The following ARID1B variants were observed in gnomAD, a reference collection of about 807,000 sequenced individuals.
The protein encoded by ARID1B is AT-rich interaction domain 1B.
Under a neutral mutation model 212.3 loss-of-function variants are expected in ARID1B, and 30 were observed. That is an observed-to-expected ratio of 0.14 (90% confidence interval 0.11 to 0.19). The LOEUF (loss-of-function observed/expected upper bound fraction) is 0.19. Among genes scored for constraint, ARID1B ranks in the 10% least tolerant of loss-of-function variants. The pLI is 1.00. For synonymous variants in ARID1B, 1,402 were observed against 1,301.7 expected, an observed-to-expected ratio of 1.08 and a Z score of -1.66; for missense variants, 2,891 against 3,204.0, an observed-to-expected ratio of 0.90 and a Z score of 2.36.
In ARID1B at chr6:156,778,193, C is replaced by G. The variant is rs1440301934; in HGVS notation, c.513C>G (p.His171Gln). The change falls in exon 1 of 20, where the codon CAC (histidine) becomes CAG (glutamine). Residue 171 changes from histidine to glutamine, a missense_variant. By Grantham distance (24) the His-to-Gln change is conservative. Around this residue, in one of 7 missense-constraint regions of ARID1B, gnomAD observed 1,643 missense variants for 1,544.0 expected, o/e 1.06. Coordinates refer to ENST00000636930, the MANE Select transcript of ARID1B (RefSeq NM_001374828.1). ...APPHQQHHHH[H>Q]HAHHHHHHAH... ...CCCACCAGCAGCACCACCACCACCA[C>G]CATGCCCACCACCACCACCACCATG... 1 of 1,540,150 alleles carries G rather than the reference C, an allele frequency of 6.5e-7. No individual in the cohort carries two copies.
At position 157,039,015 on chromosome 6, in the gene ARID1B, C is replaced by T. The variant is rs933181923; in HGVS notation, c.2248-45647C>T. Among the ~76,000 whole-genome samples the T allele has an allele frequency of 6.6e-5, 10 of 151,950 alleles. No homozygotes were observed. In the East Asian group the frequency reaches 1.2e-3, roughly 18 times the overall value. ...ACGTCCCAGGCTCAAGCGATGCTCCCGCCAGCCATGTGCCACCATGCCTGG... is the reference window on the plus strand; with the variant it reads ...ACGTCCCAGGCTCAAGCGATGCTCCTGCCAGCCATGTGCCACCATGCCTGG... On this transcript the variant is annotated intron_variant, in intron 4 of 19. Transcript: ENST00000636930.
At chr6:157,196,627 C>T (rs924122434) in intron 16 of ARID1B, among the ~76,000 whole-genome samples, 3 of 152,172 alleles carry the variant, frequency 2.0e-5, no homozygotes, top group African/African-American at 7.2e-5. Flanking sequence ...TGAGGGACTG[C>T]CAGCTGCACA....
chr6:157,136,184 G>A (rs1788895768), intron 7 of ARID1B, among the ~76,000 whole-genome samples: 1 of 152,182 alleles, frequency 6.6e-6, no homozygotes, highest in Non-Finnish European at 1.5e-5. Context: ...CACAGAACAG[G>A]TGAATAGTTT....
chr6:156,981,987 G>A (rs191678227), intron 4 of ARID1B, among the ~76,000 whole-genome samples: 170 of 150,428 alleles, frequency 1.1e-3, no homozygotes, highest in African/African-American at 3.9e-3. Flanking sequence ...GGTTGTTAAC[G>A]CAGGAGATAG....
At chr6:157,151,488 C>G (rs1007499062) in intron 8 of ARID1B, 4 of 152,146 alleles carry the variant, frequency 2.6e-5, no homozygotes, top group African/African-American at 9.7e-5. Context: ...GAAAATACAA[C>G]AAAATAATCC....
intron 16 of ARID1B, 36 bp downstream of exon 16, chr6:157,196,351 C>G: frequency 1.3e-6 from 2 of 1,576,604 alleles, no homozygotes; most frequent in Non-Finnish European, 1.7e-6. Context: ...TGATGATTTA[C>G]TAGAAACCGT....
chr6:156,939,774 A>G (rs1792527304), intron 4 of ARID1B: 1 of 151,656 alleles, frequency 6.6e-6, no homozygotes, highest in African/African-American at 2.4e-5. Flanking sequence ...AAAGAAGTGG[A>G]CACTTTGGAT....
In ARID1B at chr6:157,106,553, A is replaced by G. The variant is rs531593632; in HGVS notation, c.2492-3919A>G. ...AAGGCCTGAACCCTGTTGAAATGTC[A>G]GGCCCATACAGGATCATCTCTCTCC... On this transcript the variant is annotated intron_variant, in intron 5 of 19. Transcript: ENST00000636930. Among the ~76,000 whole-genome samples, 16 of 152,342 alleles carry G rather than the reference A, an allele frequency of 1.1e-4. No individual in the cohort carries two copies. The South Asian group carries it at 2.9e-3, about 28-fold the overall frequency.
In ARID1B at chr6:157,207,638, G is replaced by A; in HGVS notation, c.6866G>A (p.Gly2289Glu). ...IGNLISFLED[G>E]VTMAQYQQSQ... ...AACTTGATAAGCTTCCTAGAGGATG[G>A]GGTCACGATGGCCCAGTACCAGCAG... The change falls in exon 20 of 20, where the codon GGG becomes GAG. Residue 2289 changes from glycine to glutamate, a missense_variant. This residue lies in a region of ARID1B where 187 missense variants were observed against 306.5 expected (regional missense o/e 0.61). Transcript: ENST00000636930. The surrounding 1 kb of genome is among the most constrained non-coding windows in gnomAD (Gnocchi z 8.5). 6.2e-7 allele frequency: 1 copy of A among 1,614,136 alleles called. No individual in the cohort carries two copies. Among genetic ancestry groups the A allele is most frequent in the Non-Finnish European group, 8.5e-7 (1 of 1,180,008 alleles).
chr6:156,795,768 T>G (rs1392046934), intron 1 of ARID1B, among the ~76,000 whole-genome samples: 3 of 152,146 alleles, frequency 2.0e-5, no homozygotes, highest in Non-Finnish European at 4.4e-5. Context: ...CTTCTCTTCC[T>G]TATTATTACT....
chr6:157,102,783 G>C (rs1043400608), intron 5 of ARID1B, among the ~76,000 whole-genome samples: 11 of 151,794 alleles, frequency 7.2e-5, no homozygotes, highest in African/African-American at 2.4e-4. Flanking sequence ...ACTTTTAGTA[G>C]AGACGGGGTT....
chr6:156,928,910 A>C (rs1210171126), intron 3 of ARID1B, among the ~76,000 whole-genome samples: 1 of 152,208 alleles, frequency 6.6e-6, no homozygotes, highest in Non-Finnish European at 1.5e-5. Flanking sequence ...ATTTAGGGGA[A>C]TATATGAAGC....
At chr6:156,798,209 G>A (rs1780530185) in intron 1 of ARID1B, among the ~76,000 whole-genome samples, 1 of 152,228 alleles carries the variant, frequency 6.6e-6, no homozygotes, top group African/African-American at 2.4e-5. Context: ...TGGGTGCTGT[G>A]CTGGTCGCTC....
At chr6:156,776,362 G>C (rs1301024509), upstream of ARID1B, 3 of 152,158 alleles carry the variant, frequency 2.0e-5, no homozygotes, top group Admixed American at 1.3e-4. Context: ...ATTAGGACTA[G>C]AGTTGACTGT....
chr6:156,902,735 CAAAAAAAAAAAA>C (rs869259426), intron 3 of ARID1B, among the ~76,000 whole-genome samples: 48 of 61,670 alleles, frequency 7.8e-4, no homozygotes, highest in African/African-American at 1.2e-3. Flanking sequence ...GACTCTGTCT[CAAAAAAAAAAAA>C]AAAAAAAAAA....
intron 1 of ARID1B, among the ~76,000 whole-genome samples, chr6:156,783,451 G>C (rs1407683646): frequency 6.6e-6 from 1 of 152,134 alleles, no homozygotes; most frequent in Admixed American, 6.5e-5. Flanking sequence ...ACCTTTTAAA[G>C]AGAATAGGTG....
rs185426280 is a variant in ARID1B, at chr6:157,062,994, C to T, written c.2248-21668C>T. Among the ~76,000 whole-genome samples, 185 of 152,064 alleles carry T rather than the reference C, an allele frequency of 1.2e-3. 2 individuals carry two copies. The highest frequency in any genetic ancestry group is 2.6e-3 in the Admixed American group (39 of 15,280). Reference sequence around the variant, plus strand: ...TGCTGGGATTACAGCCGTGAGCCACCGTGCCCAGCCTAAAATATATTTTAA... The same window carrying T: ...TGCTGGGATTACAGCCGTGAGCCACTGTGCCCAGCCTAAAATATATTTTAA... On this transcript the variant is annotated intron_variant, in intron 4 of 19. Coordinates refer to ENST00000636930, the MANE Select transcript of ARID1B (RefSeq NM_001374828.1).
chr6:156,819,598 T>G (rs1008927516), intron 1 of ARID1B, among the ~76,000 whole-genome samples: 8 of 152,218 alleles, frequency 5.3e-5, no homozygotes, highest in Admixed American at 3.9e-4. Context: ...GGAACCAAAA[T>G]AGTCTTCCTT....
chr6:156,866,714 T>A lies in ARID1B; in HGVS notation c.1987-34662T>A, dbSNP rs114560359. Among the ~76,000 whole-genome samples, 349 of 152,398 alleles carry A rather than the reference T, an allele frequency of 2.3e-3. 1 individual carries two copies. Among genetic ancestry groups the A allele is most frequent in the African/African-American group, 8.0e-3 (331 of 41,604 alleles). ...GTCTGACTGCTGTTGTGTGCTACTT[T>A]ATAAATACCTTTGTAATTTATGTTA... On this transcript the variant is annotated intron_variant, in intron 2 of 19. Coordinates refer to ENST00000636930, the MANE Select transcript of ARID1B (RefSeq NM_001374828.1).
Sources: allele counts gnomAD v4.1 joint callset (sites outside exome capture counted in the v4.1 genomes callset), GRCh38; gene constraint gnomAD v4.1.1; regional missense constraint gnomAD v4.1.1; non-coding constraint Gnocchi (gnomAD v3.1); transcripts MANE v1.5; gene names NCBI Gene and HGNC (gene_info 2026-07-23, HGNC 2026-07-21).